The following COG2 variants were observed in gnomAD, a reference collection of about 807,000 sequenced individuals.
COG2 encodes conserved oligomeric Golgi complex subunit 2.
A neutral mutation model predicts 90.6 loss-of-function variants in COG2; 52 were observed. That is an observed-to-expected ratio of 0.57 (90% confidence interval 0.46 to 0.72). The LOEUF (loss-of-function observed/expected upper bound fraction) is 0.72. Among genes scored for constraint, COG2 ranks in the 30% least tolerant of loss-of-function variants. The pLI is 0.00. For synonymous variants in COG2, 337 were observed against 320.4 expected, an observed-to-expected ratio of 1.05 and a Z score of -0.55; for missense variants, 829 against 891.2, an observed-to-expected ratio of 0.93 and a Z score of 0.89.
intron 9 of COG2, among the ~76,000 whole-genome samples, chr1:230,676,457 C>G (rs376248699): frequency 5.9e-5 from 9 of 152,136 alleles, no homozygotes; most frequent in Admixed American, 3.9e-4. Flanking sequence ...CTGGACAATA[C>G]GCGGAACTTA....
chr1:230,654,760 C>A (rs1662009637), intron 1 of COG2, among the ~76,000 whole-genome samples: 1 of 152,198 alleles, frequency 6.6e-6, no homozygotes, highest in Non-Finnish European at 1.5e-5. Context: ...TTTGTGTCCT[C>A]TCTTATTTCC....
intron 8 of COG2, among the ~76,000 whole-genome samples, chr1:230,671,980 T>G (rs567108471): frequency 6.6e-6 from 1 of 152,370 alleles, no homozygotes; most frequent in East Asian, 1.9e-4. Flanking sequence ...TCTATAAATA[T>G]TAATTCAGTT....
chr1:230,684,617 C>G (rs1662842405), intron 11 of COG2, among the ~76,000 whole-genome samples: 1 of 152,132 alleles, frequency 6.6e-6, no homozygotes, highest in African/African-American at 2.4e-5. Context: ...CAATTTTAGC[C>G]TCAGAGTTAG....
intron 1 of COG2, among the ~76,000 whole-genome samples, chr1:230,644,456 T>C (rs1272708466): frequency 4.6e-5 from 7 of 152,248 alleles, no homozygotes; most frequent in Admixed American, 4.6e-4. Flanking sequence ...TGTGTCTCAT[T>C]CAGCACATTT....
At chr1:230,648,857 A>C (rs1370590667) in intron 1 of COG2, among the ~76,000 whole-genome samples, 3 of 152,234 alleles carry the variant, frequency 2.0e-5, no homozygotes, top group African/African-American at 7.2e-5. Flanking sequence ...TAAGCACTTC[A>C]GAATGAGATC....
Position 230,691,516 on chromosome 1 carries a change from C to A in COG2, c.2067C>A (p.Asp689Glu), listed in dbSNP as rs1338535605. Residue 689 changes from aspartate to glutamate, a missense_variant, in exon 17 of 18, where the codon GAC (aspartate) becomes GAA (glutamate). Transcript: ENST00000366669. ...VGPSGGMSDD[D>E]KIRLQLALDV... ...CCAGTGGTGGCATGAGCGACGACGA[C>A]AAAATCAGGCTGCAGTTGGCCCTAG... is the stretch of plus-strand genomic sequence containing the variant. 6.2e-7 allele frequency: 1 copy of A among 1,614,030 alleles called. No homozygotes were observed. Among genetic ancestry groups the A allele is most frequent in the African/African-American group, 1.3e-5 (1 of 74,912 alleles).
chr1:230,688,004 A>C, intron 13 of COG2, 67 bp from the exon 14 acceptor site: 1 of 1,094,974 alleles, frequency 9.1e-7, no homozygotes, highest in Non-Finnish European at 1.3e-6. Flanking sequence ...TGTAGATGCA[A>C]ATAGAATTGC....
intron 5 of COG2, 72 bp from the exon 6 acceptor site, chr1:230,668,604 C>T: frequency 1.1e-6 from 1 of 878,260 alleles, no homozygotes. Flanking sequence ...CTCTCACTGC[C>T]AGGCGTGTGA....
intron 1 of COG2, among the ~76,000 whole-genome samples, chr1:230,657,980 A>G (rs1243484134): frequency 1.3e-5 from 2 of 151,920 alleles, no homozygotes; most frequent in Non-Finnish European, 2.9e-5. Context: ...CCTTTTTTCA[A>G]GGTTCTTAGC....
At chr1:230,642,792 C>A (rs1359654435) in intron 1 of COG2, 114 bp downstream of exon 1, 3 of 1,020,802 alleles carry the variant, frequency 2.9e-6, no homozygotes, top group African/African-American at 3.3e-5. Context: ...AGTGTCAGGT[C>A]CTCCGCCGAG....
At chr1:230,662,422 T>C (rs1662202344) in intron 3 of COG2, among the ~76,000 whole-genome samples, 1 of 152,250 alleles carries the variant, frequency 6.6e-6, no homozygotes, top group South Asian at 2.1e-4. Flanking sequence ...AGAATTTTTG[T>C]GATTTCTCCA....
At chr1:230,658,732 T>G (rs1179908774) in intron 1 of COG2, among the ~76,000 whole-genome samples, 1 of 152,150 alleles carries the variant, frequency 6.6e-6, no homozygotes, top group Non-Finnish European at 1.5e-5. Context: ...TGCTGCCTTT[T>G]TTTTCAGAGA....
intron 1 of COG2, among the ~76,000 whole-genome samples, chr1:230,647,136 A>C (rs1431101896): frequency 1.3e-5 from 2 of 152,166 alleles, no homozygotes; most frequent in Non-Finnish European, 2.9e-5. Flanking sequence ...TGAAAACATG[A>C]GAAAGCATTT....
chr1:230,660,798 TG>T lies in COG2; in HGVS notation c.278del (p.Gly93AspfsTer8). On this transcript the variant is annotated frameshift_variant, in exon 3 of 18. Transcript: ENST00000366669. LOFTEE classifies it high-confidence loss of function. ...DKALNQLSVPLGQLREEVLSL... is the reference protein window; with the variant it reads ...DKALNQLSVPXGQLREEVLSL... ...GCCCTCAACCAGCTTTCTGTGCCTTTGGGACAATTACGAGAAGAGGTTCTGG... is the reference window on the plus strand; with the variant it reads ...GCCCTCAACCAGCTTTCTGTGCCTTTGGACAATTACGAGAAGAGGTTCTGG... 1 of 1,587,476 alleles carries T rather than the reference TG, an allele frequency of 6.3e-7. No homozygotes were observed. Among genetic ancestry groups the T allele is most frequent in the Admixed American group, 1.8e-5 (1 of 54,966 alleles).
chr1:230,690,272 C>G, intron 16 of COG2, 119 bp downstream of exon 16: 1 of 838,786 alleles, frequency 1.2e-6, no homozygotes, highest in Non-Finnish European at 1.9e-6. Flanking sequence ...CACTTCTTCA[C>G]TGGATTAGTC....
intron 8 of COG2, among the ~76,000 whole-genome samples, chr1:230,674,545 G>C (rs1662539043): frequency 1.3e-5 from 2 of 152,230 alleles, no homozygotes; most frequent in Admixed American, 1.3e-4. Flanking sequence ...AGTAATCTTA[G>C]AGATAGCTTA....
chr1:230,660,810 G>T lies in COG2; in HGVS notation c.287G>T (p.Arg96Leu). ...CTTTCTGTGCCTTTGGGACAATTACGAGAAGAGGTTCTGGTAAGTTTCCCG... is the reference window on the plus strand; with the variant it reads ...CTTTCTGTGCCTTTGGGACAATTACTAGAAGAGGTTCTGGTAAGTTTCCCG... Reference protein sequence around the residue: ...NQLSVPLGQLREEVLSLRSSV... With the variant: ...NQLSVPLGQLLEEVLSLRSSV... The change falls in exon 3 of 18, where the codon CGA (arginine) becomes CTA (leucine). Residue 96 changes from arginine (R) to leucine (L), a missense_variant. Physicochemically the swap from Arg to Leu is moderately radical, Grantham distance 102. Coordinates refer to ENST00000366669, the MANE Select transcript of COG2 (RefSeq NM_007357.3). The T allele has an allele frequency of 6.3e-7, 1 of 1,586,128 alleles. No homozygotes were observed. Among genetic ancestry groups the T allele is most frequent in the Non-Finnish European group, 8.6e-7 (1 of 1,167,268 alleles).
chr1:230,677,326 A>G (rs1444430046), intron 9 of COG2, among the ~76,000 whole-genome samples: 1 of 152,090 alleles, frequency 6.6e-6, no homozygotes, highest in African/African-American at 2.4e-5. Context: ...GAATTTGTTT[A>G]TTAATTTTTT....
intron 1 of COG2, among the ~76,000 whole-genome samples, chr1:230,654,936 A>C (rs1393845992): frequency 6.6e-6 from 1 of 152,116 alleles, no homozygotes; most frequent in Non-Finnish European, 1.5e-5. Context: ...TGATTTTTGC[A>C]CATTGATTTT....
Sources: allele counts gnomAD v4.1 joint callset (sites outside exome capture counted in the v4.1 genomes callset), GRCh38; gene constraint gnomAD v4.1.1; transcripts MANE v1.5; gene names NCBI Gene and HGNC (gene_info 2026-07-23, HGNC 2026-07-21).